The following PLAAT1 variants were observed in gnomAD, a reference collection of about 807,000 sequenced individuals.
PLAAT1 encodes the protein phospholipase A and acyltransferase 1.
In PLAAT1, 13 loss-of-function variants were observed where a neutral mutation model predicts 16.4. The observed-to-expected ratio is 0.79, with a 90% confidence interval of 0.52 to 1.26. The LOEUF (loss-of-function observed/expected upper bound fraction) is 1.26, where lower values mean the gene tolerates loss of function less well. Among genes scored for constraint, PLAAT1 ranks in the 50% most tolerant of loss-of-function variants. The pLI, the probability that PLAAT1 is intolerant of heterozygous loss-of-function variation, is 0.00. For missense variants in PLAAT1, 218 were observed against 207.8 expected, an observed-to-expected ratio of 1.05 and a Z score of -0.30; for synonymous variants, 73 against 78.4, an observed-to-expected ratio of 0.93 and a Z score of 0.36.
Position 193,262,855 on chromosome 3 carries a change from T to C in PLAAT1, c.140-115T>C, listed in dbSNP as rs1716635930. 6.8e-6 allele frequency: 7 copies of C among 1,036,380 alleles called. No homozygotes were observed. In the South Asian group the frequency reaches 1.1e-4, roughly 16 times the overall value. 64.2% of individuals were successfully genotyped at this position (1,036,380 alleles called of 1,614,324 possible). On this transcript the variant is annotated intron_variant, in intron 2 of 3. Transcript: ENST00000264735. ...AGATTAAATGACTTTGGTTTGATAA[T>C]AAGTTAGGAACAGGGCTAGGTTTAG...
chr3:193,280,017 G>T (rs183200252), downstream of PLAAT1, among the ~76,000 whole-genome samples: 8 of 121,714 alleles, frequency 6.6e-5, no homozygotes, highest in Admixed American at 5.7e-4. Flanking sequence ...CTGTGTACCT[G>T]TGTACATAAT....
chr3:193,279,244 A>G (rs1717367819), downstream of PLAAT1: 3 of 742,280 alleles, frequency 4.0e-6, no homozygotes, highest in East Asian at 7.9e-5. Context: ...TCTAGTATAT[A>G]GAAATAGCCT....
chr3:193,248,954 A>T (rs1025360660), intron 1 of PLAAT1, among the ~76,000 whole-genome samples: 19 of 152,108 alleles, frequency 1.2e-4, no homozygotes, highest in African/African-American at 4.6e-4. Flanking sequence ...CTTCAATGTG[A>T]AGTGCCCATT....
At chr3:193,268,108 AGTT>A (rs752392591) in intron 3 of PLAAT1, among the ~76,000 whole-genome samples, 18 of 152,176 alleles carry the variant, frequency 1.2e-4, no homozygotes, top group African/African-American at 3.9e-4. Context: ...TGTCTTTTAC[AGTT>A]GTTTTCTCTC....
At chr3:193,258,294 C>T (rs1716453105) in intron 2 of PLAAT1, among the ~76,000 whole-genome samples, 1 of 152,112 alleles carries the variant, frequency 6.6e-6, no homozygotes, top group South Asian at 2.1e-4. Flanking sequence ...GCACTAAGCA[C>T]TGTCATTAAG....
downstream of PLAAT1, among the ~76,000 whole-genome samples, chr3:193,280,969 C>T (rs755416970): frequency 3.5e-4 from 53 of 152,148 alleles, no homozygotes; most frequent in Admixed American, 2.8e-3. Flanking sequence ...TTGAAGTGAA[C>T]AGAGTTCTGT....
At chr3:193,266,909 A>G (rs1716798916) in intron 3 of PLAAT1, among the ~76,000 whole-genome samples, 1 of 152,070 alleles carries the variant, frequency 6.6e-6, no homozygotes, top group Non-Finnish European at 1.5e-5. Flanking sequence ...AGGGCCCTTG[A>G]GCTTAGAAAT....
chr3:193,258,297 T>A (rs1278421604), intron 2 of PLAAT1, among the ~76,000 whole-genome samples: 1 of 152,154 alleles, frequency 6.6e-6, no homozygotes, highest in Non-Finnish European at 1.5e-5. Flanking sequence ...CTAAGCACTG[T>A]CATTAAGAAG....
At chr3:193,242,137 T>C (rs1577295192) in intron 1 of PLAAT1, among the ~76,000 whole-genome samples, 1 of 150,624 alleles carries the variant, frequency 6.6e-6, no homozygotes, top group East Asian at 1.9e-4. Flanking sequence ...TTTTTTTTTC[T>C]CATCAGCTAT....
chr3:193,278,445 C>G (rs1327335817), downstream of PLAAT1, among the ~76,000 whole-genome samples: 3 of 152,142 alleles, frequency 2.0e-5, no homozygotes, highest in Non-Finnish European at 2.9e-5. Flanking sequence ...GTTCATACTC[C>G]ACAGCACATG....
chr3:193,245,478 T>C (rs1241034208), intron 1 of PLAAT1, among the ~76,000 whole-genome samples: 2 of 152,216 alleles, frequency 1.3e-5, no homozygotes, highest in African/African-American at 4.8e-5. Context: ...TTGGCTATTA[T>C]GAACAATGCT....
chr3:193,245,384 A>T (rs1715942036), intron 1 of PLAAT1, among the ~76,000 whole-genome samples: 1 of 152,286 alleles, frequency 6.6e-6, no homozygotes, highest in East Asian at 1.9e-4. Flanking sequence ...CTTTTTTAAA[A>T]GGCTGTATAG....
chr3:193,241,957 T>C (rs1715771626), intron 1 of PLAAT1, among the ~76,000 whole-genome samples: 1 of 152,190 alleles, frequency 6.6e-6, no homozygotes, highest in Non-Finnish European at 1.5e-5. Flanking sequence ...GAACATTTGC[T>C]CCGCAGTTAC....
intron 2 of PLAAT1, among the ~76,000 whole-genome samples, chr3:193,260,850 A>G (rs1024511111): frequency 6.6e-6 from 1 of 152,216 alleles, no homozygotes; most frequent in Non-Finnish European, 1.5e-5. Context: ...TACTGCATAT[A>G]TATCCAAAGG....
At chr3:193,251,548 G>T (rs1716192579) in intron 1 of PLAAT1, among the ~76,000 whole-genome samples, 2 of 152,112 alleles carry the variant, frequency 1.3e-5, no homozygotes, top group South Asian at 2.1e-4. Flanking sequence ...ATCCTCCAAT[G>T]CCTTTTCCAT....
intron 3 of PLAAT1, among the ~76,000 whole-genome samples, chr3:193,268,926 C>T (rs778082859): frequency 2.0e-5 from 3 of 152,184 alleles, no homozygotes; most frequent in Non-Finnish European, 2.9e-5. Context: ...GGGCCGTACC[C>T]TGCTACCATT....
chr3:193,241,516 C>A lies in PLAAT1; in HGVS notation c.-18C>A, dbSNP rs940017343. The stretch of plus-strand genomic sequence containing the variant: ...GCTGCCTCCCGGTGCGAGAAGAAGA[C>A]CCCGGCTTGAGAGTGAGGTGTGCTG... On this transcript the variant is annotated 5_prime_UTR_variant, in exon 1 of 4. Transcript: ENST00000264735. The A allele has an allele frequency of 3.2e-5, 39 of 1,231,810 alleles. No homozygotes were observed. The highest frequency in any genetic ancestry group is 4.2e-5 in the Admixed American group (1 of 23,704). The allele number at this position is 1,231,810 out of a possible 1,614,324, so 76.3% of individuals were successfully genotyped here.
chr3:193,241,241 T>A lies in PLAAT1; in HGVS notation c.-293T>A. On this transcript the variant is annotated 5_prime_UTR_variant, in exon 1 of 4. Transcript: ENST00000264735. Reference sequence around the variant, plus strand: ...CCCATGGTCAGAGCCTCGTGCCGGCTCGGCAGCGCCCGGACGCCGAGCCCA... The same window carrying A: ...CCCATGGTCAGAGCCTCGTGCCGGCACGGCAGCGCCCGGACGCCGAGCCCA... The A allele has an allele frequency of 1.6e-6, 2 of 1,225,514 alleles. No homozygotes were observed. The highest frequency in any genetic ancestry group is 2.0e-6 in the Non-Finnish European group (2 of 984,094). 75.9% of individuals were successfully genotyped at this position (1,225,514 alleles called of 1,614,324 possible).
At chr3:193,247,388 C>T (rs1244544944) in intron 1 of PLAAT1, among the ~76,000 whole-genome samples, 3 of 152,342 alleles carry the variant, frequency 2.0e-5, no homozygotes, top group South Asian at 4.1e-4. Context: ...CAGAAATTCA[C>T]GCCTTATACA....
Sources: gnomAD v4.1 joint callset for allele counts (sites outside exome capture counted in the v4.1 genomes callset) on GRCh38, gnomAD v4.1.1 for gene constraint, MANE v1.5 for transcripts, NCBI Gene and HGNC (gene_info 2026-07-23, HGNC 2026-07-21) for gene names.